The following TRPM3 variants were observed in gnomAD, a reference collection of about 807,000 sequenced individuals.
The protein encoded by TRPM3 is long transient receptor potential channel 3.
Under a neutral mutation model 181.2 loss-of-function variants are expected in TRPM3, and 77 were observed. The ratio of observed to expected loss-of-function variants is 0.42; its 90% CI spans 0.35 to 0.51. TRPM3 has a LOEUF of 0.51. TRPM3 is among the 20% of genes least tolerant of loss of function. The pLI is 0.01. For synonymous variants in TRPM3, 745 were observed against 796.4 expected, an observed-to-expected ratio of 0.94 and a Z score of 1.09; for missense variants, 1,759 against 2,196.7, an observed-to-expected ratio of 0.80 and a Z score of 3.98.
intron 1 of TRPM3, among the ~76,000 whole-genome samples, chr9:71,085,205 T>A (rs1277869463): frequency 6.6e-6 from 1 of 152,038 alleles, no homozygotes; most frequent in Non-Finnish European, 1.5e-5. Context: ...AACATCATTC[T>A]GGACATAGGA....
intron 1 of TRPM3, among the ~76,000 whole-genome samples, chr9:71,053,517 T>G (rs1414320120): frequency 6.6e-6 from 1 of 152,144 alleles, no homozygotes; most frequent in Non-Finnish European, 1.5e-5. Flanking sequence ...ACCCGCTCAA[T>G]GTGTATGAAA....
At chr9:71,048,604 T>C (rs958003041) in intron 1 of TRPM3, among the ~76,000 whole-genome samples, 22 of 152,220 alleles carry the variant, frequency 1.4e-4, no homozygotes, top group Admixed American at 6.5e-5. Flanking sequence ...CTTTGTTTAT[T>C]GCTCCGGCCA....
chr9:71,171,406 G>A (rs368490359), intron 1 of TRPM3, among the ~76,000 whole-genome samples: 22 of 152,094 alleles, frequency 1.4e-4, no homozygotes, highest in Admixed American at 9.2e-4. Flanking sequence ...GGGGCATCAC[G>A]GAACCTACCG....
At chr9:71,395,549 C>T (rs972600869) in intron 1 of TRPM3, among the ~76,000 whole-genome samples, 4 of 152,088 alleles carry the variant, frequency 2.6e-5, no homozygotes, top group Admixed American at 6.6e-5. Context: ...TGTAATTGAC[C>T]GCAGCAGTAT....
chr9:70,784,087 G>T lies in TRPM3; in HGVS notation c.1148+18C>A. 1.2e-6 allele frequency: 2 copies of T among 1,609,984 alleles called. No individual in the cohort carries two copies. Among genetic ancestry groups the T allele is most frequent in the South Asian group, 2.2e-5 (2 of 90,716 alleles). ...ACAGGCTTTAGGGTTCTTCCATGGG[G>T]CCTGGAAAGTTACCTACCCGCCTTC... On this transcript the variant is annotated intron_variant, in intron 7 of 25. Coordinates refer to ENST00000677713, the MANE Select transcript of TRPM3 (RefSeq NM_001366145.2).
intron 1 of TRPM3, among the ~76,000 whole-genome samples, chr9:71,149,615 G>A (rs2075619396): frequency 6.6e-6 from 1 of 152,010 alleles, no homozygotes; most frequent in South Asian, 2.1e-4. Context: ...AAATCCACTT[G>A]GAAATGGTGA....
intron 1 of TRPM3, among the ~76,000 whole-genome samples, chr9:71,275,314 T>C (rs969006036): frequency 3.3e-5 from 5 of 152,172 alleles, no homozygotes; most frequent in Admixed American, 2.6e-4. Flanking sequence ...CCAGTTACAA[T>C]AGTAAGAAAA....
chr9:71,199,948 C>A (rs1199920679), intron 1 of TRPM3, among the ~76,000 whole-genome samples: 1 of 152,134 alleles, frequency 6.6e-6, no homozygotes, highest in Non-Finnish European at 1.5e-5. Context: ...TTTTCTAGTT[C>A]TTTTAATTGT....
chr9:71,275,311 C>A (rs992360797), intron 1 of TRPM3, among the ~76,000 whole-genome samples: 1 of 151,788 alleles, frequency 6.6e-6, no homozygotes, highest in African/African-American at 2.4e-5. Flanking sequence ...CTACCAGTTA[C>A]AATAGTAAGA....
chr9:71,416,165 T>C (rs1234173470), intron 1 of TRPM3, among the ~76,000 whole-genome samples: 1 of 151,838 alleles, frequency 6.6e-6, no homozygotes, highest in Non-Finnish European at 1.5e-5. Flanking sequence ...TTGGCACCTG[T>C]TAAAAGTTGT....
chr9:70,948,054 AC>A (rs2096955133), intron 1 of TRPM3, among the ~76,000 whole-genome samples: 3 of 150,378 alleles, frequency 2.0e-5, no homozygotes, highest in Non-Finnish European at 2.9e-5. Context: ...TTATAAAAAA[AC>A]ACCAGCCTTA....
intron 1 of TRPM3, among the ~76,000 whole-genome samples, chr9:71,347,356 G>A (rs1276364128): frequency 6.6e-6 from 1 of 152,026 alleles, no homozygotes; most frequent in East Asian, 1.9e-4. Flanking sequence ...AAAGAGTTGA[G>A]GTTTTCTTGT....
In TRPM3 at chr9:70,814,202, G is replaced by C. The variant is rs1239134371; in HGVS notation, c.973+13645C>G. The stretch of plus-strand genomic sequence containing the variant: ...ATGAGGTGTCTTAGAAGTTCAGTGG[G>C]GTGGAGTACAGAGAGAAGCACGTTT... On this transcript the variant is annotated intron_variant, in intron 6 of 25. Transcript: ENST00000677713. Among the ~76,000 whole-genome samples, 3 of 152,174 alleles carry C rather than the reference G, an allele frequency of 2.0e-5. No individual in the cohort carries two copies. The East Asian group carries it at 5.8e-4, about 29-fold the overall frequency.
intron 19 of TRPM3, among the ~76,000 whole-genome samples, chr9:70,609,775 G>T (rs1188524108): frequency 6.6e-6 from 1 of 152,208 alleles, no homozygotes; most frequent in African/African-American, 2.4e-5. Context: ...AGATTATCCT[G>T]TTGCTGACTC....
intron 1 of TRPM3, among the ~76,000 whole-genome samples, chr9:71,387,522 CTT>C (rs1385989197): frequency 1.3e-5 from 2 of 152,054 alleles, no homozygotes; most frequent in Non-Finnish European, 2.9e-5. Context: ...AAATGGAAGA[CTT>C]TGAATCTTCA....
At chr9:71,375,892 T>C (rs1222345433) in intron 1 of TRPM3, among the ~76,000 whole-genome samples, 2 of 152,172 alleles carry the variant, frequency 1.3e-5, no homozygotes, top group Non-Finnish European at 2.9e-5. Context: ...TATTATTGCA[T>C]ACATAATACA....
chr9:70,896,888 A>T lies in TRPM3; in HGVS notation c.178-32377T>A, dbSNP rs1383044169. 5.6e-5 allele frequency among the ~76,000 whole-genome samples: 8 copies of T among 143,848 alleles called. No homozygotes were observed. The East Asian group carries it at 1.6e-3, about 28-fold the overall frequency. 94.4% of individuals were successfully genotyped at this position (143,848 alleles called of 152,430 possible). The stretch of plus-strand genomic sequence containing the variant: ...ACAATCATTTTCTACAAGTCAGAGC[A>T]GCACAAAGAACTGCCTAAGATCACA... On this transcript the variant is annotated intron_variant, in intron 1 of 25. Coordinates refer to ENST00000677713, the MANE Select transcript of TRPM3 (RefSeq NM_001366145.2).
At chr9:71,161,471 A>C (rs2076268891) in intron 1 of TRPM3, among the ~76,000 whole-genome samples, 1 of 152,172 alleles carries the variant, frequency 6.6e-6, no homozygotes, top group Non-Finnish European at 1.5e-5. Flanking sequence ...CAGAACTCCA[A>C]GAAGATTAAG....
chr9:71,247,990 C>G (rs2082132980), intron 1 of TRPM3, among the ~76,000 whole-genome samples: 1 of 152,176 alleles, frequency 6.6e-6, no homozygotes, highest in African/African-American at 2.4e-5. Flanking sequence ...AGCACAATGT[C>G]AAAAGCTGAT....
Sources: allele counts gnomAD v4.1 joint callset (sites outside exome capture counted in the v4.1 genomes callset), GRCh38; gene constraint gnomAD v4.1.1; transcripts MANE v1.5; gene names NCBI Gene and HGNC (gene_info 2026-07-23, HGNC 2026-07-21).